Variants in DIP2C observed in about 807,000 individuals in gnomAD.
The protein encoded by DIP2C is DIP2 acetate--CoA ligase C (putative), also known as disco-interacting protein 2 homolog C.
In DIP2C, 33 loss-of-function variants were observed where a neutral mutation model predicts 192.4. The observed-to-expected ratio is 0.17, with a 90% confidence interval of 0.13 to 0.23. DIP2C has a LOEUF of 0.23. Ranked by LOEUF, DIP2C falls within the 10% of genes least tolerant of loss-of-function variation. DIP2C has a pLI of 1.00. For synonymous variants in DIP2C, 979 were observed against 864.1 expected, an observed-to-expected ratio of 1.13 and a Z score of -2.33; for missense variants, 1,537 against 2,110.1, an observed-to-expected ratio of 0.73 and a Z score of 5.32.
At chr10:326,016 AC>A (rs1286547568) in intron 31 of DIP2C, among the ~76,000 whole-genome samples, 2 of 152,092 alleles carry the variant, frequency 1.3e-5, no homozygotes, top group Admixed American at 6.5e-5. Flanking sequence ...CCCCGTCTCC[AC>A]AAAAAATTTA....
chr10:384,666 G>A (rs775182011), intron 14 of DIP2C, 27 bp from the exon 15 acceptor site: 3 of 1,611,374 alleles, frequency 1.9e-6, no homozygotes, highest in Admixed American at 3.3e-5. Context: ...AACACGCAGG[G>A]TGAGCATGGA....
chr10:386,636 G>A (rs1397642626), intron 14 of DIP2C, among the ~76,000 whole-genome samples: 1 of 152,242 alleles, frequency 6.6e-6, no homozygotes, highest in East Asian at 1.9e-4. Flanking sequence ...CTGCTCTGCA[G>A]CCACAGATAT....
intron 1 of DIP2C, among the ~76,000 whole-genome samples, chr10:621,226 C>T (rs1312461304): frequency 6.6e-6 from 1 of 152,086 alleles, no homozygotes; most frequent in African/African-American, 2.4e-5. Flanking sequence ...TGTGCACACA[C>T]CTTCTGTACA....
chr10:650,568 A>C, intron 1 of DIP2C: 1 of 635,172 alleles, frequency 1.6e-6, no homozygotes, highest in South Asian at 1.8e-5. Flanking sequence ...ATGCAGAGCC[A>C]GGAGGGACGT....
intron 17 of DIP2C, among the ~76,000 whole-genome samples, chr10:377,527 A>T (rs1252249075): frequency 1.3e-5 from 2 of 152,182 alleles, no homozygotes; most frequent in Non-Finnish European, 2.9e-5. Context: ...GAATTGCAAA[A>T]TTTTATCCCT....
chr10:614,944 TCAGCCAA>T (rs1284339252), intron 1 of DIP2C, among the ~76,000 whole-genome samples: 1 of 152,152 alleles, frequency 6.6e-6, no homozygotes, highest in Non-Finnish European at 1.5e-5. Flanking sequence ...CACAGTTGCC[TCAGCCAA>T]GAGACAAGAG....
rs529513841 is a variant in DIP2C, at chr10:291,931, TG to T, written c.3987-3511del. ...GCCAGAGGGGAGCAGGAGGACTCCA[TG>T]GGGGAGGGAGAAATACAGGCTCAGC... On this transcript the variant is annotated intron_variant, in intron 32 of 36. Transcript: ENST00000280886. Among the ~76,000 whole-genome samples, 759 of 152,230 alleles carry T rather than the reference TG, an allele frequency of 5.0e-3. 5 individuals are homozygous for T. The highest frequency in any genetic ancestry group is 6.9e-3 in the Non-Finnish European group (472 of 68,008).
intron 31 of DIP2C, among the ~76,000 whole-genome samples, chr10:315,109 G>A (rs971392169): frequency 7.9e-5 from 12 of 152,132 alleles, no homozygotes; most frequent in African/African-American, 2.9e-4. Flanking sequence ...TCTTCACACA[G>A]TGTTATGTGC....
chr10:653,117 TA>T (rs1276064660), intron 1 of DIP2C, among the ~76,000 whole-genome samples: 482 of 142,848 alleles, frequency 3.4e-3, no homozygotes, highest in African/African-American at 4.4e-3. Context: ...TGTACTGCCT[TA>T]AAAAAAAAAA....
intron 1 of DIP2C, among the ~76,000 whole-genome samples, chr10:488,206 C>G (rs754405016): frequency 6.6e-6 from 1 of 152,070 alleles, no homozygotes; most frequent in African/African-American, 2.4e-5. Context: ...ACTTCCATGC[C>G]CCGCATTTTC....
chr10:366,587 C>G (rs1960240250), intron 18 of DIP2C, among the ~76,000 whole-genome samples, 176 bp from the exon 19 acceptor site: 1 of 152,212 alleles, frequency 6.6e-6, no homozygotes, highest in South Asian at 2.1e-4. Context: ...ATGAGTTTTC[C>G]TGTTGCAGCA....
At chr10:541,229 C>T in intron 1 of DIP2C, among the ~76,000 whole-genome samples, 1 of 152,162 alleles carries the variant, frequency 6.6e-6, no homozygotes, top group East Asian at 1.9e-4. Flanking sequence ...CCACCACCGC[C>T]GACATCCACT....
At chr10:396,122 G>A (rs1263623335) in intron 10 of DIP2C, among the ~76,000 whole-genome samples, 1 of 152,220 alleles carries the variant, frequency 6.6e-6, no homozygotes, top group African/African-American at 2.4e-5. Context: ...CAGCCACGTG[G>A]CCTTGGAAAG....
At chr10:485,127 CGCT>C (rs1440369875) in intron 2 of DIP2C, among the ~76,000 whole-genome samples, 4 of 152,258 alleles carry the variant, frequency 2.6e-5, no homozygotes, top group Non-Finnish European at 5.9e-5. Flanking sequence ...AGGCACGGTG[CGCT>C]GGAGAACCGT....
At position 414,738 on chromosome 10, in the gene DIP2C, TGTAC is replaced by T. The variant is rs779758792; in HGVS notation, c.860-632_860-629del. On this transcript the variant is annotated intron_variant, in intron 7 of 36. Transcript: ENST00000280886. Reference sequence around the variant, plus strand: ...GTGTGTGTGTGTGTGTGTGTGTGTGTGTACATATATATATATATAATGTGTATAT... The same window carrying T: ...GTGTGTGTGTGTGTGTGTGTGTGTGTATATATATATATATAATGTGTATAT... 8.3e-3 allele frequency among the ~76,000 whole-genome samples: 713 copies of T among 86,130 alleles called. 31 individuals are homozygous for T. Among genetic ancestry groups the T allele is most frequent in the East Asian group, 0.023 (56 of 2,478 alleles). 56.5% of individuals were successfully genotyped at this position (86,130 alleles called of 152,430 possible).
At chr10:316,203 A>C (rs1278613166) in intron 31 of DIP2C, among the ~76,000 whole-genome samples, 1 of 152,170 alleles carries the variant, frequency 6.6e-6, no homozygotes, top group Non-Finnish European at 1.5e-5. Context: ...GCTTCTTTGC[A>C]GGTCTTTTAA....
intron 4 of DIP2C, among the ~76,000 whole-genome samples, chr10:423,575 G>C (rs1966361278): frequency 6.6e-6 from 1 of 152,080 alleles, no homozygotes; most frequent in Non-Finnish European, 1.5e-5. Flanking sequence ...CAGTGTGTTA[G>C]ATAACCATGC....
chr10:466,895 G>C (rs941507474), intron 3 of DIP2C, among the ~76,000 whole-genome samples: 1 of 144,716 alleles, frequency 6.9e-6, no homozygotes, highest in Non-Finnish European at 1.5e-5. Flanking sequence ...AGGTGCTGGA[G>C]AGGATGTGGA....
At position 390,397 on chromosome 10, in the gene DIP2C, T is replaced by C. The variant is rs1239516445; in HGVS notation, c.1385-24A>G. The C allele has an allele frequency of 7.5e-6, 12 of 1,602,946 alleles. 1 individual carries two copies. The South Asian group carries it at 1.2e-4, about 16-fold the overall frequency. On this transcript the variant is annotated intron_variant, in intron 11 of 36. Coordinates refer to ENST00000280886, the MANE Select transcript of DIP2C (RefSeq NM_014974.3). ...ACCTTGGAAATAAACAACAAGTTCC[T>C]TTTAAATGTTACTCTGAAAGTCGGT...
Sources: allele counts gnomAD v4.1 joint callset (sites outside exome capture counted in the v4.1 genomes callset), GRCh38; gene constraint gnomAD v4.1.1; transcripts MANE v1.5; gene names NCBI Gene and HGNC (gene_info 2026-07-23, HGNC 2026-07-21).